The following CERT1 variants were observed in gnomAD, a reference collection of about 807,000 sequenced individuals.
CERT1 encodes ceramide transporter 1, also known as ceramide transfer protein.
In CERT1, 31 loss-of-function variants were observed where a neutral mutation model predicts 87.9. The observed-to-expected ratio is 0.35, with a 90% confidence interval of 0.27 to 0.48. The LOEUF (loss-of-function observed/expected upper bound fraction) is 0.48. Among genes scored for constraint, CERT1 ranks in the 20% least tolerant of loss-of-function variants. The probability of loss-of-function intolerance (pLI) is 0.99; values close to 1 mark genes in which losing one functional copy is unlikely to be tolerated. For missense variants in CERT1, 487 were observed against 758.0 expected, an observed-to-expected ratio of 0.64 and a Z score of 4.20; for synonymous variants, 289 against 250.9, an observed-to-expected ratio of 1.15 and a Z score of -1.44.
intron 10 of CERT1, among the ~76,000 whole-genome samples, chr5:75,399,642 G>C (rs913044415): frequency 6.6e-6 from 1 of 152,132 alleles, no homozygotes; most frequent in Non-Finnish European, 1.5e-5. Flanking sequence ...TAGTATAACT[G>C]GATATACTTC....
In CERT1 at chr5:75,511,287, G is replaced by C. The variant is rs113315575; in HGVS notation, c.-80C>G. ...GGAGGCGCCCAGTCCTCGGGGTGAA[G>C]GGTCGGGGGATGGCGAAGCGAAGAG... On this transcript the variant is annotated 5_prime_UTR_variant, in exon 1 of 17. Transcript: ENST00000643780. The C allele has an allele frequency of 6.4e-7, 1 of 1,574,452 alleles. No homozygotes were observed. The highest frequency in any genetic ancestry group is 8.6e-7 in the Non-Finnish European group (1 of 1,160,252).
intron 2 of CERT1, among the ~76,000 whole-genome samples, chr5:75,471,754 C>CA (rs796209502): frequency 0.19 from 9,386 of 49,860 alleles, 1,529 homozygotes; most frequent in African/African-American, 0.4. Context: ...GACTTCATCT[C>CA]AAAAAAAAAA....
chr5:75,468,778 C>T (rs1423950260), intron 2 of CERT1, among the ~76,000 whole-genome samples: 2 of 152,114 alleles, frequency 1.3e-5, no homozygotes, highest in Non-Finnish European at 2.9e-5. Flanking sequence ...AGAGATCACA[C>T]CAGATGACCT....
chr5:75,374,457 T>A, downstream of CERT1: 1 of 716,090 alleles, frequency 1.4e-6, no homozygotes, highest in South Asian at 1.4e-5. Context: ...AGTCCAGGCC[T>A]CCAAGATGAC....
At position 75,388,324 on chromosome 5, in the gene CERT1, A is replaced by G. The variant is rs1223288093; in HGVS notation, c.1284+1268T>C. The stretch of plus-strand genomic sequence containing the variant: ...CTAATATTATATCTTATTTGCTAGA[A>G]TAATTCTGGTCAACATAGATTATGC... On this transcript the variant is annotated intron_variant, in intron 12 of 16. Coordinates refer to ENST00000643780, the MANE Select transcript of CERT1 (RefSeq NM_001379029.1). Among the ~76,000 whole-genome samples, 3 of 152,204 alleles carry G rather than the reference A, an allele frequency of 2.0e-5. No homozygotes were observed. The South Asian group carries it at 6.2e-4, about 32-fold the overall frequency.
intron 2 of CERT1, among the ~76,000 whole-genome samples, chr5:75,471,664 T>C (rs1765715182): frequency 6.9e-6 from 1 of 144,604 alleles, no homozygotes; most frequent in African/African-American, 2.6e-5. Flanking sequence ...GAGGCTGAGG[T>C]AGAATTGCTT....
At chr5:75,374,259 C>A (rs989674851), downstream of CERT1, 2 of 408,000 alleles carry the variant, frequency 4.9e-6, no homozygotes, top group Admixed American at 8.7e-5. Flanking sequence ...CGAACAGCTG[C>A]AAGACTACCA....
intron 3 of CERT1, among the ~76,000 whole-genome samples, chr5:75,442,622 T>C (rs917137888): frequency 8.5e-5 from 13 of 152,240 alleles, no homozygotes; most frequent in African/African-American, 3.1e-4. Context: ...TGTCTTACAC[T>C]TCTTTTTATT....
chr5:75,472,167 C>G (rs575606923), intron 2 of CERT1, among the ~76,000 whole-genome samples: 1 of 152,138 alleles, frequency 6.6e-6, no homozygotes, highest in Non-Finnish European at 1.5e-5. Flanking sequence ...GAAAAACACA[C>G]AATGGGGAAA....
At chr5:75,423,566 C>A (rs1014084495) in intron 5 of CERT1, among the ~76,000 whole-genome samples, 11 of 152,092 alleles carry the variant, frequency 7.2e-5, no homozygotes, top group African/African-American at 2.4e-4. Context: ...CATAGCGAGA[C>A]CTCATCTCTA....
At chr5:75,408,994 A>T (rs1224058931) in intron 8 of CERT1, among the ~76,000 whole-genome samples, 1 of 152,074 alleles carries the variant, frequency 6.6e-6, no homozygotes, top group African/African-American at 2.4e-5. Flanking sequence ...TTATACTTAC[A>T]TACTGCTGGT....
At chr5:75,506,705 A>G in intron 1 of CERT1, among the ~76,000 whole-genome samples, 1 of 152,224 alleles carries the variant, frequency 6.6e-6, no homozygotes. Context: ...CTTTTCCTCT[A>G]CAGAACTGAA....
At chr5:75,401,587 G>C (rs892821272) in intron 9 of CERT1, 4 of 152,206 alleles carry the variant, frequency 2.6e-5, no homozygotes, top group Admixed American at 6.5e-5. Flanking sequence ...TCCAAAAGTA[G>C]AGCCCATTTA....
At chr5:75,453,762 CATT>C (rs1449618362) in intron 3 of CERT1, among the ~76,000 whole-genome samples, 1 of 152,028 alleles carries the variant, frequency 6.6e-6, no homozygotes, top group East Asian at 1.9e-4. Flanking sequence ...TCACTATCAC[CATT>C]ATTATTGTTT....
intron 2 of CERT1, among the ~76,000 whole-genome samples, chr5:75,486,831 G>A (rs1214643148): frequency 1.3e-5 from 2 of 152,060 alleles, no homozygotes; most frequent in African/African-American, 2.4e-5. Flanking sequence ...AGAAACTGAA[G>A]AGGACACAAA....
chr5:75,416,784 T>A, intron 7 of CERT1, 92 bp downstream of exon 7: 1 of 1,142,668 alleles, frequency 8.8e-7, no homozygotes, highest in Non-Finnish European at 1.2e-6. Flanking sequence ...AACCCAAGAT[T>A]CTTCCCTAAG....
At chr5:75,413,527 C>T (rs1392484683) in intron 7 of CERT1, among the ~76,000 whole-genome samples, 1 of 152,050 alleles carries the variant, frequency 6.6e-6, no homozygotes, top group African/African-American at 2.4e-5. Flanking sequence ...GAGGATCACC[C>T]GAGCCCTGGA....
intron 17 of CERT1, chr5:75,369,087 T>C (rs1436862054): frequency 6.6e-6 from 1 of 152,090 alleles, no homozygotes; most frequent in Non-Finnish European, 1.5e-5. Context: ...CTAACTTTTT[T>C]ATTTTTAGTA....
intron 2 of CERT1, among the ~76,000 whole-genome samples, chr5:75,474,678 T>C (rs367999317): frequency 6.6e-6 from 1 of 152,052 alleles, no homozygotes; most frequent in African/African-American, 2.4e-5. Flanking sequence ...AAACTGGATA[T>C]CCACATGCAG....
Sources: allele counts gnomAD v4.1 joint callset (sites outside exome capture counted in the v4.1 genomes callset), GRCh38; gene constraint gnomAD v4.1.1; transcripts MANE v1.5; gene names NCBI Gene and HGNC (gene_info 2026-07-23, HGNC 2026-07-21).